MLLT10: variants seen among roughly 807,000 people sequenced by gnomAD.
The protein encoded by MLLT10 is MLLT10 histone lysine methyltransferase DOT1L cofactor.
Under a neutral mutation model 129.1 loss-of-function variants are expected in MLLT10, and 30 were observed. That is an observed-to-expected ratio of 0.23 (90% confidence interval 0.17 to 0.32). MLLT10 has a LOEUF of 0.32. Among genes scored for constraint, MLLT10 ranks in the 10% least tolerant of loss-of-function variants. The pLI is 1.00. For missense variants in MLLT10, 1,119 were observed against 1,268.3 expected, an observed-to-expected ratio of 0.88 and a Z score of 1.79; for synonymous variants, 490 against 446.4, an observed-to-expected ratio of 1.10 and a Z score of -1.23.
At chr10:21,590,826 A>AT (rs1395543232) in intron 4 of MLLT10, among the ~76,000 whole-genome samples, 2 of 151,414 alleles carry the variant, frequency 1.3e-5, no homozygotes, top group African/African-American at 2.4e-5. Context: ...GGTTTTGTTA[A>AT]TTTTTTTTGC....
chr10:21,662,254 A>C (rs1188910661), intron 9 of MLLT10, among the ~76,000 whole-genome samples: 1 of 152,256 alleles, frequency 6.6e-6, no homozygotes, highest in East Asian at 1.9e-4. Context: ...TGGTTTGGCT[A>C]CTGCCATTTA....
intron 1 of MLLT10, 35 bp downstream of exon 1, chr10:21,534,555 G>A: frequency 7.2e-7 from 1 of 1,382,768 alleles, no homozygotes; most frequent in Non-Finnish European, 9.6e-7. Flanking sequence ...CCGGGCGGGG[G>A]GCGCCGGGGC....
intron 3 of MLLT10, among the ~76,000 whole-genome samples, chr10:21,550,728 T>TC (rs1300252972): frequency 4.0e-5 from 6 of 151,562 alleles, no homozygotes; most frequent in African/African-American, 1.5e-4. Flanking sequence ...GACGGGGGTT[T>TC]CACATGTTGC....
At chr10:21,698,362 T>A (rs748219346) in intron 13 of MLLT10, among the ~76,000 whole-genome samples, 1 of 152,188 alleles carries the variant, frequency 6.6e-6, no homozygotes, top group Non-Finnish European at 1.5e-5. Context: ...AACATAATGA[T>A]CTCCAGTTCC....
intron 5 of MLLT10, among the ~76,000 whole-genome samples, chr10:21,600,920 T>A (rs1234115147): frequency 6.6e-6 from 1 of 152,118 alleles, no homozygotes; most frequent in African/African-American, 2.4e-5. Flanking sequence ...TATATTTGTT[T>A]CTTGTGGTCT....
Position 21,742,667 on chromosome 10 carries a change from CTTGAG to C in MLLT10, c.*687_*691del, listed in dbSNP as rs988731989. On this transcript the variant is annotated 3_prime_UTR_variant, in exon 23 of 23. Coordinates refer to ENST00000307729, the MANE Select transcript of MLLT10 (RefSeq NM_001195626.3). The stretch of plus-strand genomic sequence containing the variant: ...AGACCTACTCATATTTTGAAGAAAT[CTTGAG>C]TTAAGTGAGTTCTGAGGCTGCTGGG... 2.5e-4 allele frequency: 55 copies of C among 223,692 alleles called. No homozygotes were observed. The highest frequency in any genetic ancestry group is 1.1e-3 in the African/African-American group (50 of 44,944). 13.9% of individuals were successfully genotyped at this position (223,692 alleles called of 1,614,324 possible).
chr10:21,551,289 CTTTTTTTTTTTTT>C (rs11461905), intron 3 of MLLT10, among the ~76,000 whole-genome samples: 77 of 91,960 alleles, frequency 8.4e-4, no homozygotes, highest in African/African-American at 4.0e-3. Flanking sequence ...CGGATTGTAC[CTTTTTTTTTTTTT>C]TTTTTTTTTT....
chr10:21,741,886 A>AGAGGAG, intron 22 of MLLT10, 53 bp from the exon 23 acceptor site: 1 of 1,568,106 alleles, frequency 6.4e-7, no homozygotes, highest in South Asian at 1.2e-5. Flanking sequence ...AATTCGGAGA[A>AGAGGAG]TATTATCAAA....
In MLLT10 at chr10:21,614,789, G is replaced by T. The variant is rs147799872; in HGVS notation, c.510-42G>T. 9 of 1,516,438 alleles carry T rather than the reference G, an allele frequency of 5.9e-6. No individual in the cohort carries two copies. The East Asian group carries it at 2.0e-4, about 34-fold the overall frequency. The allele number at this position is 1,516,438 out of a possible 1,614,324, so 93.9% of individuals were successfully genotyped here. On this transcript the variant is annotated intron_variant, in intron 6 of 22. Coordinates refer to ENST00000307729, the MANE Select transcript of MLLT10 (RefSeq NM_001195626.3). ...ATTTGCTTATATATACAGGTACTGTGATTTTAGTATATCAATAAATATACT... is the reference window on the plus strand; with the variant it reads ...ATTTGCTTATATATACAGGTACTGTTATTTTAGTATATCAATAAATATACT...
intron 8 of MLLT10, chr10:21,626,185 A>G: frequency 1.9e-6 from 3 of 1,606,124 alleles, no homozygotes; most frequent in Non-Finnish European, 2.6e-6. Flanking sequence ...GTGATAAGTC[A>G]CTTTCCTTGA....
At chr10:21,617,009 A>T in intron 7 of MLLT10, 103 bp from the exon 8 acceptor site, 1 of 428,392 alleles carries the variant, frequency 2.3e-6, no homozygotes, top group Non-Finnish European at 3.9e-6. Flanking sequence ...TTCAGTAGAC[A>T]TTAAAAATAC....
At chr10:21,654,774 G>C (rs777317833) in intron 9 of MLLT10, among the ~76,000 whole-genome samples, 4 of 152,152 alleles carry the variant, frequency 2.6e-5, no homozygotes, top group Admixed American at 6.5e-5. Flanking sequence ...TAAATGCCAG[G>C]GGGGTTATAA....
intron 8 of MLLT10, among the ~76,000 whole-genome samples, chr10:21,636,025 A>C (rs571248108): frequency 1.3e-5 from 2 of 151,274 alleles, no homozygotes; most frequent in Non-Finnish European, 2.9e-5. Context: ...CTTGTACCCA[A>C]ATTCAGCACT....
intron 13 of MLLT10, among the ~76,000 whole-genome samples, chr10:21,707,189 AT>A (rs1199544245): frequency 0.013 from 1,550 of 122,492 alleles, 6 homozygotes; most frequent in African/African-American, 0.036. Context: ...AGTTTAGATG[AT>A]TTTTTTTTTT....
At chr10:21,673,253 T>G in intron 10 of MLLT10, 97 bp from the exon 11 acceptor site, 4 of 728,336 alleles carry the variant, frequency 5.5e-6, no homozygotes, top group Non-Finnish European at 6.4e-6. Flanking sequence ...TCTTTAATGA[T>G]TATATCATGT....
At chr10:21,542,569 A>G (rs2035366617) in intron 3 of MLLT10, among the ~76,000 whole-genome samples, 1 of 152,156 alleles carries the variant, frequency 6.6e-6, no homozygotes, top group Non-Finnish European at 1.5e-5. Context: ...ACTCTGTCTC[A>G]AAAAAATATA....
At chr10:21,682,615 A>G (rs781495519) in intron 13 of MLLT10, among the ~76,000 whole-genome samples, 1 of 152,088 alleles carries the variant, frequency 6.6e-6, no homozygotes, top group Non-Finnish European at 1.5e-5. Context: ...TGGAATGTGA[A>G]TTTTATTTTT....
At position 21,740,054 on chromosome 10, in the gene MLLT10, CAGTT is replaced by C; in HGVS notation, c.2982_2985del (p.Leu995CysfsTer26). The C allele has an allele frequency of 6.2e-7, 1 of 1,611,214 alleles. No individual in the cohort carries two copies. Among genetic ancestry groups the C allele is most frequent in the Non-Finnish European group, 8.5e-7 (1 of 1,178,552 alleles). ...GGAACAACATCAAGCCTTTTTGTAT[CAGTT>C]AATGCAACATCACCACCAGCAGCAC... On this transcript the variant is annotated frameshift_variant, in exon 22 of 23. Coordinates refer to ENST00000307729, the MANE Select transcript of MLLT10 (RefSeq NM_001195626.3). LOFTEE classifies it high-confidence loss of function.
In MLLT10 at chr10:21,559,425, A is replaced by G. The variant is rs567434072; in HGVS notation, c.240+20513A>G. ...GTTTTGAATTTTTGAATCCATGAAC[A>G]TGGTAATCTGATTATTCAGATTTTC... On this transcript the variant is annotated intron_variant, in intron 3 of 22. Coordinates refer to ENST00000307729, the MANE Select transcript of MLLT10 (RefSeq NM_001195626.3). 6.6e-5 allele frequency among the ~76,000 whole-genome samples: 10 copies of G among 152,344 alleles called. No individual in the cohort carries two copies. In the South Asian group the frequency reaches 1.2e-3, roughly 19 times the overall value.
Sources: allele counts gnomAD v4.1 joint callset (sites outside exome capture counted in the v4.1 genomes callset), GRCh38; gene constraint gnomAD v4.1.1; transcripts MANE v1.5; gene names NCBI Gene and HGNC (gene_info 2026-07-23, HGNC 2026-07-21).